The following ARHGAP4 variants were observed in gnomAD, a reference collection of about 807,000 sequenced individuals.
The protein encoded by ARHGAP4 is rho GTPase-activating protein 4.
ARHGAP4 carries 25 observed loss-of-function variants against 67.6 expected under a neutral mutation model. The observed-to-expected ratio is 0.37, with a 90% CI of 0.27 to 0.52. ARHGAP4 has a LOEUF of 0.52. Ranked by LOEUF, ARHGAP4 falls within the 20% of genes least tolerant of loss-of-function variation. The pLI, the probability that ARHGAP4 is intolerant of heterozygous loss-of-function variation, is 0.92. For synonymous variants in ARHGAP4, 448 were observed against 373.7 expected, an observed-to-expected ratio of 1.20 and a Z score of -2.29; for missense variants, 804 against 854.6, an observed-to-expected ratio of 0.94 and a Z score of 0.74.
chrX:153,925,789 C>T (rs1004834157), intron 1 of ARHGAP4, among the ~76,000 whole-genome samples: 4 of 112,883 alleles, frequency 3.5e-5, no homozygotes, highest in African/African-American at 1.3e-4. Flanking sequence ...TGGTTGACTT[C>T]ACTGTAGCTA....
rs782001991 is a variant in ARHGAP4 at position 153,909,402 on chromosome X, C to G, written c.2507+41G>C. The G allele has an allele frequency of 2.8e-6, 3 of 1,069,784 alleles. No homozygotes were observed. In the East Asian group the frequency reaches 9.7e-5, roughly 35 times the overall value. 88.2% of individuals were successfully genotyped at this position (1,069,784 alleles called of 1,213,427 possible). On this transcript the variant is annotated intron_variant, in intron 20 of 21. Transcript: ENST00000350060. ...GACCCCAGTCCCCTCTGGCCTAGAA[C>G]AGCACACGTGTGGCCCCCTGAGCCC...
chrX:153,920,794 G>A lies in ARHGAP4; in HGVS notation c.513C>T (p.Tyr171=), dbSNP rs199544052. The change falls in exon 5 of 22, where the codon TAC becomes TAT. Residue 171 remains tyrosine, a synonymous_variant. Coordinates refer to ENST00000350060, the MANE Select transcript of ARHGAP4 (RefSeq NM_001666.5). The part of the protein sequence containing the change: ...VSELQTAKKT[Y]QAYHMESVNA... ...TCACGCTCTCCATGTGATATGCCTG[G>A]TACGTCTTCTTGGCCTGCAGGGAGA... is the stretch of plus-strand genomic sequence containing the variant. 8.3e-7 allele frequency: 1 copy of A among 1,212,112 alleles called. No homozygotes were observed.
At chrX:153,916,580 G>A (rs1557104288) in intron 7 of ARHGAP4, among the ~76,000 whole-genome samples, 1 of 113,282 alleles carries the variant, frequency 8.8e-6, no homozygotes, top group East Asian at 2.8e-4. Context: ...AACTGGCCGG[G>A]CCAGGAGGAA....
At position 153,926,183 on chromosome X, in the gene ARHGAP4, A is replaced by G; in HGVS notation, c.20T>C (p.Leu7Pro). The G allele has an allele frequency of 8.3e-7, 1 of 1,202,961 alleles. No homozygotes were observed. Among genetic ancestry groups the G allele is most frequent in the South Asian group, 1.8e-5 (1 of 56,475 alleles). Residue 7 changes from leucine (L) to proline (P), a missense_variant, in exon 1 of 22, where the codon CTG (leucine) becomes CCG (proline). Physicochemically the swap from Leu to Pro is moderately conservative, Grantham distance 98. This residue lies in a region of ARHGAP4 where 404 missense variants were observed against 505.9 expected (regional missense o/e 0.80). Coordinates refer to ENST00000350060, the MANE Select transcript of ARHGAP4 (RefSeq NM_001666.5). MAAHGK[L>P]RRERGLQAEY... is the part of the protein sequence containing the mutation. Reference sequence around the variant, plus strand: ...AGCCTGCAGCCCCCGCTCCCGCCGCAGCTTCCCGTGAGCGGCCATGGCGGC... The same window carrying G: ...AGCCTGCAGCCCCCGCTCCCGCCGCGGCTTCCCGTGAGCGGCCATGGCGGC...
chrX:153,909,044 C>T, intron 21 of ARHGAP4, 26 bp downstream of exon 21: 1 of 1,193,506 alleles, frequency 8.4e-7, no homozygotes, highest in Non-Finnish European at 1.1e-6. Flanking sequence ...ACAGATGTCC[C>T]TCACCTGCCA....
intron 1 of ARHGAP4, among the ~76,000 whole-genome samples, chrX:153,923,382 TG>T (rs1174387959): frequency 8.9e-6 from 1 of 111,893 alleles, no homozygotes; most frequent in Non-Finnish European, 1.9e-5. Flanking sequence ...CCTCCTCCCC[TG>T]ATCTCCTATT....
chrX:153,910,850 T>G lies in ARHGAP4; in HGVS notation c.1682-16A>C. ...GGGTCCTCCCCTGCAGATGGGCGAG[T>G]GGTGCGGTAGGGGGAGGAAGCTGGT... is the stretch of plus-strand genomic sequence containing the variant. On this transcript the variant is annotated splice_polypyrimidine_tract_variant and intron_variant, in intron 14 of 21. Coordinates refer to ENST00000350060, the MANE Select transcript of ARHGAP4 (RefSeq NM_001666.5). 1 of 1,187,118 alleles carries G rather than the reference T, an allele frequency of 8.4e-7. No individual in the cohort carries two copies. Among genetic ancestry groups the G allele is most frequent in the Non-Finnish European group, 1.1e-6 (1 of 883,104 alleles).
chrX:153,908,303 C>T (rs1424870966), intron 21 of ARHGAP4, among the ~76,000 whole-genome samples: 1 of 112,258 alleles, frequency 8.9e-6, no homozygotes, highest in Non-Finnish European at 1.9e-5. Context: ...AATGTCCTCC[C>T]ATGGCGTCTC....
In ARHGAP4 at chrX:153,910,259, G is replaced by T; in HGVS notation, c.2068C>A (p.Gln690Lys). 1 of 1,209,211 alleles carries T rather than the reference G, an allele frequency of 8.3e-7. No individual in the cohort carries two copies. The highest frequency in any genetic ancestry group is 1.1e-6 in the Non-Finnish European group (1 of 894,909). Residue 690 changes from glutamine to lysine, a missense_variant, in exon 17 of 22, where the codon CAG becomes AAG. Coordinates refer to ENST00000350060, the MANE Select transcript of ARHGAP4 (RefSeq NM_001666.5). Reference protein sequence around the residue: ...VNQLVQTLIVQPDRVFPPLTS... With the variant: ...VNQLVQTLIVKPDRVFPPLTS... Reference sequence around the variant, plus strand: ...AGGGGCGGGAAGACCCGATCGGGCTGCACTATGAGCGTCTGCACCAGCTGG... The same window carrying T: ...AGGGGCGGGAAGACCCGATCGGGCTTCACTATGAGCGTCTGCACCAGCTGG...
At chrX:153,909,379 C>A (rs2064998380) in intron 20 of ARHGAP4, 64 bp downstream of exon 20, 1 of 1,086,063 alleles carries the variant, frequency 9.2e-7, no homozygotes, top group Admixed American at 2.9e-5. Flanking sequence ...CAAAGCCTGA[C>A]CCCAGTCCCC....
chrX:153,918,231 T>G lies in ARHGAP4; in HGVS notation c.1032+601A>C, dbSNP rs782080423. On this transcript the variant is annotated intron_variant, in intron 7 of 21. Transcript: ENST00000350060. ...GGAGAACAAGATGCAGGGAAGCGTG[T>G]GGTGGCTGTGAGAGATGCTGGTGGC... Among the ~76,000 whole-genome samples the G allele has an allele frequency of 5.5e-5, 6 of 109,079 alleles. No homozygotes were observed. The East Asian group carries it at 1.7e-3, about 31-fold the overall frequency. 94.7% of individuals were successfully genotyped at this position (109,079 alleles called of 115,157 possible).
intron 7 of ARHGAP4, among the ~76,000 whole-genome samples, chrX:153,918,596 T>C (rs143885656): frequency 7.3e-4 from 82 of 113,067 alleles, no homozygotes; most frequent in African/African-American, 2.4e-3. Context: ...TATGGGCAGC[T>C]ACACGGCTGC....
chrX:153,925,884 G>C (rs889093858), intron 1 of ARHGAP4, among the ~76,000 whole-genome samples: 1 of 113,073 alleles, frequency 8.8e-6, no homozygotes, highest in Non-Finnish European at 1.9e-5. Context: ...CCTTGGGTGA[G>C]AAGCGGTAGA....
intron 20 of ARHGAP4, 64 bp downstream of exon 20, chrX:153,909,379 C>T: frequency 2.2e-5 from 24 of 1,086,060 alleles, no homozygotes; most frequent in Non-Finnish European, 2.8e-5. Flanking sequence ...CAAAGCCTGA[C>T]CCCAGTCCCC....
In ARHGAP4 at chrX:153,910,405, C is replaced by A; in HGVS notation, c.1923-1G>T. Reference sequence around the variant, plus strand: ...GTTCTCATCGCTGTACTGGGCCAGGCTGGGGGGACACGCACATCACAAGCA... The same window carrying A: ...GTTCTCATCGCTGTACTGGGCCAGGATGGGGGGACACGCACATCACAAGCA... On this transcript the variant is annotated splice_acceptor_variant, in intron 16 of 21. Coordinates refer to ENST00000350060, the MANE Select transcript of ARHGAP4 (RefSeq NM_001666.5). LOFTEE classifies it high-confidence loss of function. 8.4e-7 allele frequency: 1 copy of A among 1,194,606 alleles called. No individual in the cohort carries two copies.
intron 21 of ARHGAP4, among the ~76,000 whole-genome samples, 181 bp from the exon 22 acceptor site, chrX:153,908,143 T>C (rs1477005427): frequency 2.7e-5 from 3 of 112,121 alleles, no homozygotes; most frequent in African/African-American, 9.7e-5. Flanking sequence ...TGTTGGTGTC[T>C]CTGTCACAGT....
rs1410048487 is a variant in ARHGAP4 at position 153,912,858 on chromosome X, C to T, written c.1440-56G>A. 3.6e-6 allele frequency: 4 copies of T among 1,123,183 alleles called. No individual in the cohort carries two copies. In the African/African-American group the frequency reaches 7.2e-5, roughly 20 times the overall value. The allele number at this position is 1,123,183 out of a possible 1,213,427, so 92.6% of individuals were successfully genotyped here. On this transcript the variant is annotated intron_variant, in intron 11 of 21. Coordinates refer to ENST00000350060, the MANE Select transcript of ARHGAP4 (RefSeq NM_001666.5). ...GCCAGGTGTGGAGAATAGGGTGCCC[C>T]ACCCCCCAGGCCAGCCAAGCCGGCC...
intron 21 of ARHGAP4, 152 bp downstream of exon 21, chrX:153,908,918 C>T: frequency 1.8e-6 from 1 of 559,816 alleles, no homozygotes; most frequent in Non-Finnish European, 3.0e-6. Flanking sequence ...ACAGGCTCTG[C>T]CTTGGGCCTG....
chrX:153,919,817 C>T lies in ARHGAP4; in HGVS notation c.682-534G>A, dbSNP rs781874085. The stretch of plus-strand genomic sequence containing the variant: ...ATTTTTTTTTTTTGAGACAGAGTCT[C>T]GCTCTGTCGCCCAGGCTGGAGTACA... On this transcript the variant is annotated intron_variant, in intron 5 of 21. Coordinates refer to ENST00000350060, the MANE Select transcript of ARHGAP4 (RefSeq NM_001666.5). 4.4e-5 allele frequency: 29 copies of T among 666,415 alleles called. No individual in the cohort carries two copies. The South Asian group carries it at 1.4e-3, about 32-fold the overall frequency. The allele number at this position is 666,415 out of a possible 1,213,427, so 54.9% of individuals were successfully genotyped here. A position where few individuals can be genotyped will look rare whatever the true frequency, so the allele number is the denominator to read the frequency against.
Sources: allele counts gnomAD v4.1 joint callset (sites outside exome capture counted in the v4.1 genomes callset), GRCh38; gene constraint gnomAD v4.1.1; regional missense constraint gnomAD v4.1.1; transcripts MANE v1.5; gene names NCBI Gene and HGNC (gene_info 2026-07-23, HGNC 2026-07-21).